Variants in PDE4A observed in about 807,000 individuals in gnomAD.
PDE4A encodes the protein 3',5'-cyclic-AMP phosphodiesterase 4A.
Under a neutral mutation model 73.9 loss-of-function variants are expected in PDE4A, and 21 were observed. That is an observed-to-expected ratio of 0.28 (90% CI 0.20 to 0.41). PDE4A has a LOEUF of 0.41. Ranked by LOEUF, PDE4A falls within the 10% of genes least tolerant of loss-of-function variation. PDE4A has a pLI of 1.00. For synonymous variants in PDE4A, 463 were observed against 505.4 expected, an observed-to-expected ratio of 0.92 and a Z score of 1.13; for missense variants, 958 against 1,211.4, an observed-to-expected ratio of 0.79 and a Z score of 3.10.
Position 10,424,667 on chromosome 19 carries a change from G to T in PDE4A, c.320+3583G>T, listed in dbSNP as rs1434612954. ...CAGGCCGGCTGACCGCAGGCTGCGT[G>T]TGGGGTCCTCGCCCTCCCGGGCTTG... On this transcript the variant is annotated intron_variant, in intron 1 of 14. Transcript: ENST00000380702. The surrounding 1 kb of genome is among the most constrained non-coding windows in gnomAD (Gnocchi z 4.8). Among the ~76,000 whole-genome samples the T allele has an allele frequency of 6.6e-6, 1 of 152,270 alleles. No individual in the cohort carries two copies. Among genetic ancestry groups the T allele is most frequent in the Non-Finnish European group, 1.5e-5 (1 of 68,046 alleles).
In PDE4A at chr19:10,439,317, G is replaced by A. The variant is rs143960794; in HGVS notation, c.321-6901G>A. Among the ~76,000 whole-genome samples, 564 of 152,072 alleles carry A rather than the reference G, an allele frequency of 3.7e-3. 1 individual carries two copies. Among genetic ancestry groups the A allele is most frequent in the Non-Finnish European group, 6.0e-3 (407 of 67,988 alleles). ...TGGCTGCAGCCTCCCGAGTAGCTGG[G>A]ACTACAGGTGCCTGCCACCACGCCC... is the stretch of plus-strand genomic sequence containing the variant. On this transcript the variant is annotated intron_variant, in intron 1 of 14. Transcript: ENST00000380702.
At chr19:10,446,967 C>T (rs912268523) in intron 2 of PDE4A, among the ~76,000 whole-genome samples, 6 of 148,644 alleles carry the variant, frequency 4.0e-5, no homozygotes, top group Non-Finnish European at 5.9e-5. Flanking sequence ...GGTGCGATCG[C>T]GGCTCACTGC....
chr19:10,459,125 C>T, intron 8 of PDE4A: 1 of 473,898 alleles, frequency 2.1e-6, no homozygotes, highest in Non-Finnish European at 3.8e-6. Flanking sequence ...CACATCGCCT[C>T]TCTGAGCCTT....
At chr19:10,418,410 T>G (rs2042608074), upstream of PDE4A, among the ~76,000 whole-genome samples, 1 of 152,064 alleles carries the variant, frequency 6.6e-6, no homozygotes, top group Admixed American at 6.6e-5. Context: ...AAGAATGAGC[T>G]GGAAAGTCAG....
intron 11 of PDE4A, 127 bp downstream of exon 11, chr19:10,461,230 GGGGATGGCCGGGCAGGA>G: frequency 1.6e-6 from 2 of 1,256,452 alleles, no homozygotes; most frequent in Non-Finnish European, 2.1e-6. Flanking sequence ...GGCCTGGAAA[GGGGATGGCCGGGCAGGA>G]GGCGGGGCTG....
rs1436896731 is a variant in PDE4A, at chr19:10,454,855, C to G, written c.810C>G (p.Leu270=). 2 of 1,614,130 alleles carry G rather than the reference C, an allele frequency of 1.2e-6. No individual in the cohort carries two copies. The highest frequency in any genetic ancestry group is 1.7e-5 in the Admixed American group (1 of 60,010). The stretch of plus-strand genomic sequence containing the variant: ...TCAAAAGGATGTTGAACCGTGAGCT[C>G]ACACACCTGTCAGAAATGAGCAGGT... The part of the protein sequence containing the change: ...HKFKRMLNRE[L]THLSEMSRSG... Residue 270 remains leucine, a synonymous_variant, in exon 7 of 15, where the codon CTC becomes CTG. Coordinates refer to ENST00000380702, the MANE Select transcript of PDE4A (RefSeq NM_001111307.2).
At chr19:10,435,165 C>T (rs1436333473) in intron 1 of PDE4A, among the ~76,000 whole-genome samples, 1 of 152,100 alleles carries the variant, frequency 6.6e-6, no homozygotes, top group African/African-American at 2.4e-5. Flanking sequence ...TAGCCCTCAA[C>T]AAGCCCAATT....
At chr19:10,425,888 G>A (rs968851052) in intron 1 of PDE4A, among the ~76,000 whole-genome samples, 1 of 150,392 alleles carries the variant, frequency 6.6e-6, no homozygotes, top group Admixed American at 6.7e-5. Context: ...TGGTGAGGCT[G>A]AGGCAGGAGA....
rs1474551366 is a variant in PDE4A at position 10,424,273 on chromosome 19, A to C, written c.320+3189A>C. ...TGTCTGAACTGGGGACGGGGCCAAC[A>C]TACGGACCCTGCGTCCCCCCTCCCT... On this transcript the variant is annotated intron_variant, in intron 1 of 14. Coordinates refer to ENST00000380702, the MANE Select transcript of PDE4A (RefSeq NM_001111307.2). The surrounding 1 kb of genome is among the most constrained non-coding windows in gnomAD (Gnocchi z 4.8). Among the ~76,000 whole-genome samples the C allele has an allele frequency of 6.6e-6, 1 of 152,210 alleles. No individual in the cohort carries two copies. Among genetic ancestry groups the C allele is most frequent in the Non-Finnish European group, 1.5e-5 (1 of 68,022 alleles).
chr19:10,445,650 C>A (rs1319840888), intron 1 of PDE4A, among the ~76,000 whole-genome samples: 1 of 151,664 alleles, frequency 6.6e-6, no homozygotes. Flanking sequence ...TGTCTGTAAT[C>A]CCAGCTACGC....
chr19:10,457,679 C>G (rs767835882), intron 7 of PDE4A, 200 bp from the exon 8 acceptor site: 8 of 540,124 alleles, frequency 1.5e-5, no homozygotes, highest in Admixed American at 6.4e-5. Flanking sequence ...CCTGGGCCCC[C>G]ACTCCAGCCC....
intron 1 of PDE4A, among the ~76,000 whole-genome samples, chr19:10,444,938 G>A (rs1028185843): frequency 6.6e-6 from 1 of 152,166 alleles, no homozygotes; most frequent in African/African-American, 2.4e-5. Context: ...CTCCCAAAGT[G>A]CTGGGATTAC....
At chr19:10,466,782 C>T in intron 14 of PDE4A, 105 bp from the exon 15 acceptor site, 1 of 1,502,324 alleles carries the variant, frequency 6.7e-7, no homozygotes, top group Non-Finnish European at 8.9e-7. Flanking sequence ...ACATGAGCCA[C>T]CATGCCCGGC....
chr19:10,458,281 T>C lies in PDE4A; in HGVS notation c.1101+179T>C, dbSNP rs2043204161. Among the ~76,000 whole-genome samples, 1 of 152,220 alleles carries C rather than the reference T, an allele frequency of 6.6e-6. No individual in the cohort carries two copies. The highest frequency in any genetic ancestry group is 2.4e-5 in the African/African-American group (1 of 41,466). On this transcript the variant is annotated intron_variant, in intron 8 of 14. Transcript: ENST00000380702. The surrounding 1 kb of genome is among the most constrained non-coding windows in gnomAD (Gnocchi z 4.6). ...TTTGTACCTCTGTATCATTCATTGCTTGGGGGCCGTCCCCAGGGCTGGACG... is the reference window on the plus strand; with the variant it reads ...TTTGTACCTCTGTATCATTCATTGCCTGGGGGCCGTCCCCAGGGCTGGACG...
chr19:10,425,714 G>A (rs1004122684), intron 1 of PDE4A, among the ~76,000 whole-genome samples: 1 of 152,080 alleles, frequency 6.6e-6, no homozygotes. Flanking sequence ...GGCTGGGCGC[G>A]GTGGCTCATG....
At chr19:10,428,356 T>G (rs548679214) in intron 1 of PDE4A, among the ~76,000 whole-genome samples, 117 of 97,626 alleles carry the variant, frequency 1.2e-3, no homozygotes, top group African/African-American at 3.5e-3. Context: ...AGATCCTGTC[T>G]CGAGAGAGAG....
At chr19:10,432,193 A>AGGGGG (rs2042800941) in intron 1 of PDE4A, among the ~76,000 whole-genome samples, 1 of 88,718 alleles carries the variant, frequency 1.1e-5, no homozygotes. Context: ...GGGGGGGGGA[A>AGGGGG]GTGTGCGTCC....
At chr19:10,461,760 C>T in intron 12 of PDE4A, 80 bp downstream of exon 12, 2 of 1,580,476 alleles carry the variant, frequency 1.3e-6, no homozygotes, top group Non-Finnish European at 1.7e-6. Context: ...GTCTGAGTCC[C>T]AGAGGAACCC....
rs2042636779 is a variant in PDE4A at position 10,420,640 on chromosome 19, G to A, written c.-125G>A. ...CAGCGCCCCCGGGTCTGTCCCCGGG[G>A]CGCCATGGCCCTACCGCGGCCGGGC... On this transcript the variant is annotated 5_prime_UTR_variant, in exon 1 of 15. Transcript: ENST00000380702. The surrounding 1 kb of genome is among the most constrained non-coding windows in gnomAD (Gnocchi z 6.0). 3.0e-6 allele frequency: 4 copies of A among 1,345,972 alleles called. No homozygotes were observed. Among genetic ancestry groups the A allele is most frequent in the Non-Finnish European group, 3.8e-6 (4 of 1,055,902 alleles). 83.4% of individuals were successfully genotyped at this position (1,345,972 alleles called of 1,614,324 possible).
Sources: gnomAD v4.1 joint callset for allele counts (sites outside exome capture counted in the v4.1 genomes callset) on GRCh38, gnomAD v4.1.1 for gene constraint, Gnocchi (gnomAD v3.1) non-coding constraint, MANE v1.5 for transcripts, NCBI Gene and HGNC (gene_info 2026-07-23, HGNC 2026-07-21) for gene names.